ESRRG: variants seen among roughly 807,000 people sequenced by gnomAD.
ESRRG encodes estrogen related receptor gamma.
A neutral mutation model predicts 44.0 loss-of-function variants in ESRRG; 13 were observed. The observed-to-expected ratio is 0.30, with a 90% CI of 0.19 to 0.47. The LOEUF (loss-of-function observed/expected upper bound fraction) is 0.47, where lower values mean the gene tolerates loss of function less well. Ranked by LOEUF, ESRRG falls within the 20% of genes least tolerant of loss-of-function variation. The probability of loss-of-function intolerance (pLI) is 1.00; values close to 1 mark genes in which losing one functional copy is unlikely to be tolerated. For missense variants in ESRRG, 395 were observed against 580.6 expected (o/e 0.68, Z 3.29); for synonymous variants, 215 against 214.6 (o/e 1.00, Z -0.02).
chr1:216,505,004 A>G lies in ESRRG; in HGVS notation c.*1935T>C, dbSNP rs541854515. On this transcript the variant is annotated 3_prime_UTR_variant, in exon 7 of 7. Coordinates refer to ENST00000408911, the MANE Select transcript of ESRRG (RefSeq NM_001438.4). ...CACACCACAAGAATCCAAACACCACAAGAACAAGACAACAGTCTTTGAATG... is the reference window on the plus strand; with the variant it reads ...CACACCACAAGAATCCAAACACCACGAGAACAAGACAACAGTCTTTGAATG... 19 of 152,730 alleles carry G rather than the reference A, an allele frequency of 1.2e-4. No homozygotes were observed. The South Asian group carries it at 3.9e-3, about 32-fold the overall frequency. The allele number at this position is 152,730 out of a possible 1,614,324, so 9.5% of individuals were successfully genotyped here.
chr1:217,107,193 T>C (rs537013651), intron 1 of ESRRG, among the ~76,000 whole-genome samples: 5 of 152,220 alleles, frequency 3.3e-5, no homozygotes, highest in Non-Finnish European at 7.4e-5. Context: ...ATATGTTACA[T>C]CAGAAAAATT....
chr1:216,511,577 A>ACAC (rs1553275806), intron 6 of ESRRG, among the ~76,000 whole-genome samples: 1 of 151,986 alleles, frequency 6.6e-6, no homozygotes, highest in Non-Finnish European at 1.5e-5. Context: ...ACAAATACAC[A>ACAC]ATGAGGTCTA....
chr1:216,673,220 G>A (rs939011369), intron 2 of ESRRG, among the ~76,000 whole-genome samples: 13 of 152,184 alleles, frequency 8.5e-5, no homozygotes, highest in Non-Finnish European at 1.9e-4. Flanking sequence ...CAACATCTTT[G>A]GAGTTCAACT....
intron 1 of ESRRG, among the ~76,000 whole-genome samples, chr1:217,113,571 T>G (rs1404159900): frequency 6.6e-6 from 1 of 152,110 alleles, no homozygotes; most frequent in Non-Finnish European, 1.5e-5. Flanking sequence ...AATGCTACAA[T>G]AGAAAGAGAC....
chr1:217,137,274 G>T (rs1176796129), intron 1 of ESRRG, among the ~76,000 whole-genome samples: 1 of 152,222 alleles, frequency 6.6e-6, no homozygotes, highest in African/African-American at 2.4e-5. Flanking sequence ...CTGCCCACCA[G>T]TTACCTCCTC....
intron 2 of ESRRG, among the ~76,000 whole-genome samples, chr1:216,782,283 CTGAG>C (rs2093962681): frequency 6.6e-6 from 1 of 152,030 alleles, no homozygotes; most frequent in African/African-American, 2.4e-5. Flanking sequence ...TACAGGATGA[CTGAG>C]TAAGTCTCTC....
intron 2 of ESRRG, among the ~76,000 whole-genome samples, chr1:216,893,765 T>A (rs1214647114): frequency 1.3e-5 from 2 of 152,176 alleles, no homozygotes; most frequent in Non-Finnish European, 2.9e-5. Flanking sequence ...AAAACAATGT[T>A]GGCAAGGAAA....
rs753349115 is a variant in ESRRG at position 216,569,115 on chromosome 1, G to GGAA, written c.590-1020_590-1018dup. 1.0e-4 allele frequency among the ~76,000 whole-genome samples: 11 copies of GGAA among 110,142 alleles called. No homozygotes were observed. The East Asian group carries it at 1.9e-3, about 19-fold the overall frequency. 72.3% of individuals were successfully genotyped at this position (110,142 alleles called of 152,430 possible). On this transcript the variant is annotated intron_variant, in intron 3 of 6. Coordinates refer to ENST00000408911, the MANE Select transcript of ESRRG (RefSeq NM_001438.4). The stretch of plus-strand genomic sequence containing the variant: ...AAGGAAGGAAGGAAGGAAGGAAGAA[G>GGAA]GAAGGAAGGAAGGAAGGAAAGAAGG...
intron 3 of ESRRG, among the ~76,000 whole-genome samples, chr1:216,581,133 C>T (rs2062682748): frequency 2.0e-5 from 3 of 152,006 alleles, no homozygotes; most frequent in African/African-American, 4.8e-5. Context: ...TGAAAGCAAC[C>T]AAAGAATAGA....
chr1:216,542,430 G>C (rs2053172162), intron 5 of ESRRG, among the ~76,000 whole-genome samples: 1 of 151,936 alleles, frequency 6.6e-6, no homozygotes, highest in South Asian at 2.1e-4. Context: ...TAATGAAAGA[G>C]AGAGCCACAT....
chr1:217,104,192 T>C (rs2092558673), intron 1 of ESRRG, among the ~76,000 whole-genome samples: 1 of 152,226 alleles, frequency 6.6e-6, no homozygotes. Context: ...AAGTCAAAGA[T>C]GGGACTGTCT....
At chr1:216,912,253 G>A (rs1335649693) in intron 2 of ESRRG, among the ~76,000 whole-genome samples, 18 of 52,956 alleles carry the variant, frequency 3.4e-4, no homozygotes, top group Admixed American at 5.9e-4. Context: ...GAGGAGAGGA[G>A]AGGAGAGGAG....
At chr1:216,656,355 A>G (rs2070565766) in intron 2 of ESRRG, among the ~76,000 whole-genome samples, 1 of 152,176 alleles carries the variant, frequency 6.6e-6, no homozygotes, top group Non-Finnish European at 1.5e-5. Flanking sequence ...ATCAACATGG[A>G]AGCTCTCGGT....
chr1:216,506,785 T>A lies in ESRRG; in HGVS notation c.*154A>T, dbSNP rs1012808865. On this transcript the variant is annotated 3_prime_UTR_variant, in exon 7 of 7. Coordinates refer to ENST00000408911, the MANE Select transcript of ESRRG (RefSeq NM_001438.4). Reference sequence around the variant, plus strand: ...AACTCATCAGGAACCTATGGAGGAATCTGAAAGCTGCTTCATAGTCTTGCT... The same window carrying A: ...AACTCATCAGGAACCTATGGAGGAAACTGAAAGCTGCTTCATAGTCTTGCT... The A allele has an allele frequency of 6.1e-5, 47 of 771,070 alleles. No individual in the cohort carries two copies. The Admixed American group carries it at 1.3e-3, about 21-fold the overall frequency. The allele number at this position is 771,070 out of a possible 1,614,324, so 47.8% of individuals were successfully genotyped here. A position where few individuals can be genotyped will look rare whatever the true frequency, so the allele number is the denominator to read the frequency against.
chr1:216,659,604 T>C (rs1305464005), intron 2 of ESRRG, among the ~76,000 whole-genome samples: 1 of 152,160 alleles, frequency 6.6e-6, no homozygotes, highest in Non-Finnish European at 1.5e-5. Context: ...CACCCCCTTG[T>C]CTGAAACCCA....
intron 2 of ESRRG, among the ~76,000 whole-genome samples, chr1:216,762,205 G>C (rs1270032194): frequency 6.6e-6 from 1 of 151,390 alleles, no homozygotes; most frequent in Non-Finnish European, 1.5e-5. Flanking sequence ...CCATTACTGG[G>C]TATATACCCA....
At chr1:216,612,681 T>C (rs2060837772) in intron 3 of ESRRG, among the ~76,000 whole-genome samples, 1 of 152,192 alleles carries the variant, frequency 6.6e-6, no homozygotes, top group Admixed American at 6.5e-5. Context: ...AACCACAGTT[T>C]ACTTTACACT....
intron 2 of ESRRG, among the ~76,000 whole-genome samples, chr1:216,821,691 AAT>A (rs1491046235): frequency 2.3e-5 from 1 of 44,190 alleles, no homozygotes; most frequent in Non-Finnish European, 3.8e-5. Flanking sequence ...CCTCAGGAAA[AAT>A]AAATAAATAA....
chr1:217,025,142 T>C lies in ESRRG; in HGVS notation c.-106+64365A>G, dbSNP rs1432449929. 2.0e-5 allele frequency among the ~76,000 whole-genome samples: 3 copies of C among 152,164 alleles called. No homozygotes were observed. The East Asian group carries it at 5.8e-4, about 29-fold the overall frequency. On this transcript the variant is annotated intron_variant, in intron 1 of 7. Transcript: ENST00000359162. Reference sequence around the variant, plus strand: ...GCTGTGCTCGATAAGTCCCAGAGTCTACAGCATCATCAGGTTAAAAAACGT... The same window carrying C: ...GCTGTGCTCGATAAGTCCCAGAGTCCACAGCATCATCAGGTTAAAAAACGT...
Sources: allele counts gnomAD v4.1 joint callset (sites outside exome capture counted in the v4.1 genomes callset), GRCh38; gene constraint gnomAD v4.1.1; transcripts MANE v1.5; gene names NCBI Gene and HGNC (gene_info 2026-07-23, HGNC 2026-07-21).